MREG: variants seen among roughly 807,000 people sequenced by gnomAD.
MREG encodes melanoregulin.
Under a neutral mutation model 28.5 loss-of-function variants are expected in MREG, and 31 were observed. The observed-to-expected ratio is 1.09, with a 90% confidence interval of 0.82 to 1.47. MREG has a LOEUF of 1.47. Ranked by LOEUF, MREG falls within the 40% of genes most tolerant of loss-of-function variation. The pLI is 0.00. For missense variants in MREG, 256 were observed against 257.4 expected (o/e 0.99, Z 0.04); for synonymous variants, 106 against 95.2 (o/e 1.11, Z -0.66).
intron 2 of MREG, among the ~76,000 whole-genome samples, chr2:215,992,076 T>C (rs1426497819): frequency 6.6e-6 from 1 of 152,122 alleles, no homozygotes; most frequent in Non-Finnish European, 1.5e-5. Context: ...TACCAAAACC[T>C]GGCAGAGACA....
At chr2:216,033,701 G>A (rs893187434), upstream of MREG, 3 of 152,420 alleles carry the variant, frequency 2.0e-5, no homozygotes, top group African/African-American at 4.8e-5. Context: ...GAGTGGGGAG[G>A]AGACCTCTGT....
At chr2:215,976,704 A>AAG (rs1693270435) in intron 2 of MREG, among the ~76,000 whole-genome samples, 1 of 152,202 alleles carries the variant, frequency 6.6e-6, no homozygotes, top group African/African-American at 2.4e-5. Flanking sequence ...TACAAGCCAG[A>AAG]AGAGAGTGGG....
At chr2:215,958,668 G>C (rs1692698654) in intron 2 of MREG, among the ~76,000 whole-genome samples, 1 of 152,128 alleles carries the variant, frequency 6.6e-6, no homozygotes, top group Non-Finnish European at 1.5e-5. Flanking sequence ...CTGATCACCA[G>C]CCCCCAGCAA....
In MREG at chr2:215,945,206, G is replaced by A. The variant is rs770048003; in HGVS notation, c.511-209C>T. Among the ~76,000 whole-genome samples the A allele has an allele frequency of 8.5e-5, 13 of 152,068 alleles. No individual in the cohort carries two copies. The South Asian group carries it at 1.7e-3, about 19-fold the overall frequency. ...AAGAAACATTTCCCCACTCCTTAGC[G>A]TCCTTTCTCCTTTCAGATTATTTCT... is the stretch of plus-strand genomic sequence containing the variant. On this transcript the variant is annotated intron_variant, in intron 4 of 4. Transcript: ENST00000263268.
intron 2 of MREG, among the ~76,000 whole-genome samples, chr2:215,950,925 C>T (rs1464050627): frequency 6.6e-6 from 1 of 152,162 alleles, no homozygotes; most frequent in Non-Finnish European, 1.5e-5. Flanking sequence ...CACCATCCAC[C>T]TGGTGCTGTC....
At chr2:215,999,369 G>A (rs563648262) in intron 1 of MREG, among the ~76,000 whole-genome samples, 1 of 152,300 alleles carries the variant, frequency 6.6e-6, no homozygotes, top group East Asian at 1.9e-4. Context: ...CTGTCACACG[G>A]GAGTAGGTGT....
chr2:215,939,655 A>G (rs1692172924), downstream of MREG: 1 of 152,236 alleles, frequency 6.6e-6, no homozygotes, highest in South Asian at 2.1e-4. Context: ...TTCTTCCTAA[A>G]AAAGGTGATG....
intron 3 of MREG, 105 bp from the exon 4 acceptor site, chr2:215,945,839 T>A (rs1574586666): frequency 5.1e-6 from 5 of 976,368 alleles, no homozygotes; most frequent in Non-Finnish European, 7.5e-6. Context: ...GTGGATTCTG[T>A]ACAAGCATAA....
At chr2:215,959,760 C>T (rs954954924) in intron 2 of MREG, among the ~76,000 whole-genome samples, 1 of 152,208 alleles carries the variant, frequency 6.6e-6, no homozygotes, top group Non-Finnish European at 1.5e-5. Context: ...CTTGAATGAA[C>T]CTGCATGCCT....
upstream of MREG, among the ~76,000 whole-genome samples, chr2:216,015,821 T>C (rs1694440835): frequency 6.6e-6 from 1 of 151,930 alleles, no homozygotes; most frequent in African/African-American, 2.4e-5. Context: ...AAAAAGTGAG[T>C]CCCAAGTTTT....
intron 1 of MREG, among the ~76,000 whole-genome samples, chr2:216,020,604 G>A (rs1040025201): frequency 6.6e-6 from 1 of 152,242 alleles, no homozygotes; most frequent in Admixed American, 6.5e-5. Context: ...ACAGGAAAGG[G>A]CTAAGAGTGG....
chr2:215,949,072 C>CTAATAATAA (rs1255306179), intron 2 of MREG, among the ~76,000 whole-genome samples: 47 of 115,582 alleles, frequency 4.1e-4, no homozygotes, highest in South Asian at 2.6e-3. Context: ...ACTACTACTA[C>CTAATAATAA]TACTACTACT....
At chr2:216,030,645 C>A (rs556080970) in intron 1 of MREG, among the ~76,000 whole-genome samples, 2 of 151,814 alleles carry the variant, frequency 1.3e-5, no homozygotes, top group Non-Finnish European at 2.9e-5. Context: ...CAGGTTCAAG[C>A]GATTCTTGTG....
chr2:215,980,865 G>GAGGGC (rs1247891694), intron 2 of MREG, among the ~76,000 whole-genome samples: 31 of 141,086 alleles, frequency 2.2e-4, no homozygotes, highest in South Asian at 9.9e-4. Context: ...GAGGGGAGGG[G>GAGGGC]AGGGCAGGGC....
At chr2:216,003,865 A>C (rs545390566) in intron 1 of MREG, among the ~76,000 whole-genome samples, 6 of 152,354 alleles carry the variant, frequency 3.9e-5, no homozygotes, top group Admixed American at 6.5e-5. Flanking sequence ...TATGTTTTGC[A>C]TAAGAATTTC....
chr2:215,974,909 C>T (rs956569830), intron 2 of MREG, among the ~76,000 whole-genome samples: 31 of 150,716 alleles, frequency 2.1e-4, no homozygotes, highest in Non-Finnish European at 7.4e-5. Flanking sequence ...CCAGCACACC[C>T]ACAGTAAATC....
At chr2:215,971,106 G>T (rs983434233) in intron 2 of MREG, among the ~76,000 whole-genome samples, 1 of 152,064 alleles carries the variant, frequency 6.6e-6, no homozygotes, top group African/African-American at 2.4e-5. Context: ...CGAACATGGG[G>T]GTGGGGAGGA....
chr2:215,982,388 A>C (rs1693452372), intron 2 of MREG, among the ~76,000 whole-genome samples: 1 of 152,150 alleles, frequency 6.6e-6, no homozygotes, highest in Admixed American at 6.5e-5. Flanking sequence ...AATGCTAATC[A>C]AAAGAAATGC....
At chr2:216,001,716 G>A (rs3770560) in intron 1 of MREG, among the ~76,000 whole-genome samples, 19,463 of 152,210 alleles carry the variant, frequency 0.13, 1,421 homozygotes, top group East Asian at 0.21. Flanking sequence ...TGTGAGAGTT[G>A]GCCTGGCTCA....
Sources: allele counts gnomAD v4.1 joint callset (sites outside exome capture counted in the v4.1 genomes callset), GRCh38; gene constraint gnomAD v4.1.1; transcripts MANE v1.5; gene names NCBI Gene and HGNC (gene_info 2026-07-23, HGNC 2026-07-21).